The following OLFM2 variants were observed in gnomAD, a reference collection of about 807,000 sequenced individuals.
The protein encoded by OLFM2 is olfactomedin 2.
In OLFM2, 20 loss-of-function variants were observed where a neutral mutation model predicts 43.9. The observed-to-expected ratio is 0.46, with a 90% CI of 0.32 to 0.66. The LOEUF (loss-of-function observed/expected upper bound fraction) is 0.66, where lower values mean the gene tolerates loss of function less well. OLFM2 is among the 30% of genes least tolerant of loss of function. The pLI is 0.04. For synonymous variants in OLFM2, 268 were observed against 278.6 expected (o/e 0.96, Z 0.38); for missense variants, 416 against 643.6 (o/e 0.65, Z 3.83).
At position 9,854,325 on chromosome 19, in the gene OLFM2, G is replaced by A; in HGVS notation, c.1226C>T (p.Pro409Leu). The A allele has an allele frequency of 6.2e-7, 1 of 1,614,184 alleles. No homozygotes were observed. The highest frequency in any genetic ancestry group is 8.5e-7 in the Non-Finnish European group (1 of 1,180,038). The part of the protein sequence containing the change: ...NTSSYEYTDV[P>L]FHNQYSHISM... ...GATGTGGGAATACTGGTTGTGGAAGGGCACGTCCGTGTACTCGTAACTGGA... is the reference window on the plus strand; with the variant it reads ...GATGTGGGAATACTGGTTGTGGAAGAGCACGTCCGTGTACTCGTAACTGGA... The change falls in exon 6 of 6, where the codon CCC becomes CTC. Residue 409 changes from proline (P) to leucine (L), a missense_variant. Pro to Leu is a moderately conservative substitution (Grantham distance 98). Coordinates refer to ENST00000264833, the MANE Select transcript of OLFM2 (RefSeq NM_058164.4). This position sits in a 1 kb window ranked among gnomAD's most constrained non-coding sequence, Gnocchi z 9.5.
intron 1 of OLFM2, among the ~76,000 whole-genome samples, chr19:9,866,167 G>A (rs2046401328): frequency 6.6e-6 from 1 of 152,186 alleles, no homozygotes; most frequent in East Asian, 1.9e-4. Context: ...TAAATGCCTG[G>A]GTTTTGGCTG....
chr19:9,891,253 C>G (rs2336534), intron 1 of OLFM2, among the ~76,000 whole-genome samples: 29,516 of 145,582 alleles, frequency 0.2, 3,608 homozygotes, highest in Non-Finnish European at 0.26. Flanking sequence ...GCAGAGGTTG[C>G]AGTGAGCCGA....
intron 1 of OLFM2, among the ~76,000 whole-genome samples, chr19:9,887,023 C>T (rs2046593452): frequency 6.6e-6 from 1 of 152,106 alleles, no homozygotes; most frequent in South Asian, 2.1e-4. Context: ...GTACACTCCC[C>T]AAAGGGCAGG....
At chr19:9,862,057 G>A (rs1353223175) in intron 1 of OLFM2, among the ~76,000 whole-genome samples, 1 of 151,282 alleles carries the variant, frequency 6.6e-6, no homozygotes, top group African/African-American at 2.4e-5. Context: ...AGATATCCAT[G>A]AGAGTCTCTT....
intron 1 of OLFM2, among the ~76,000 whole-genome samples, chr19:9,906,731 G>A (rs766383994): frequency 5.3e-5 from 8 of 152,240 alleles, no homozygotes; most frequent in South Asian, 4.1e-4. Context: ...GTGCGGCTGG[G>A]CAGACAAACC....
In OLFM2 at chr19:9,857,039, C is replaced by T; in HGVS notation, c.581-126G>A. On this transcript the variant is annotated intron_variant, in intron 4 of 5. Coordinates refer to ENST00000264833, the MANE Select transcript of OLFM2 (RefSeq NM_058164.4). This position sits in a 1 kb window ranked among gnomAD's most constrained non-coding sequence, Gnocchi z 5.7. ...CAGGGATGAGGGAAGACTCAAAAAT[C>T]TGGTCCCAATATGTTGTTCAGTTGT... The T allele has an allele frequency of 1.1e-6, 1 of 906,406 alleles. No homozygotes were observed. Among genetic ancestry groups the T allele is most frequent in the Non-Finnish European group, 1.7e-6 (1 of 573,730 alleles). 56.1% of individuals were successfully genotyped at this position (906,406 alleles called of 1,614,324 possible).
intron 1 of OLFM2, among the ~76,000 whole-genome samples, chr19:9,914,751 G>A (rs979962988): frequency 3.9e-5 from 6 of 152,070 alleles, no homozygotes; most frequent in Admixed American, 2.6e-4. Context: ...AGCCGGCGGC[G>A]GCAGCCGCTG....
At chr19:9,880,510 T>A (rs2046530632) in intron 1 of OLFM2, among the ~76,000 whole-genome samples, 2 of 152,166 alleles carry the variant, frequency 1.3e-5, no homozygotes, top group Middle Eastern at 6.8e-3. Flanking sequence ...GGTGGGAGGA[T>A]CACTTGTGAC....
intron 1 of OLFM2, among the ~76,000 whole-genome samples, chr19:9,914,962 C>T (rs1233780057): frequency 6.6e-6 from 1 of 152,064 alleles, no homozygotes; most frequent in Non-Finnish European, 1.5e-5. Context: ...GGAGGAGCGC[C>T]AAGCATGAGC....
At chr19:9,860,501 C>T (rs1443172594) in intron 2 of OLFM2, 144 bp downstream of exon 2, 14 of 820,750 alleles carry the variant, frequency 1.7e-5, no homozygotes, top group Non-Finnish European at 2.4e-5. Flanking sequence ...AAGGACCTGC[C>T]TGGAGAGGAG....
intron 1 of OLFM2, among the ~76,000 whole-genome samples, chr19:9,894,581 T>C (rs902759604): frequency 2.0e-5 from 3 of 150,410 alleles, no homozygotes; most frequent in African/African-American, 7.4e-5. Flanking sequence ...TGGTGGTGCC[T>C]GCTTGTAATC....
At chr19:9,868,769 C>T (rs993059568) in intron 1 of OLFM2, among the ~76,000 whole-genome samples, 1 of 151,598 alleles carries the variant, frequency 6.6e-6, no homozygotes, top group African/African-American at 2.4e-5. Flanking sequence ...AGTAAAACCT[C>T]ATCTCTACAA....
rs139281596 is a variant in OLFM2, at chr19:9,854,249, G to A, written c.1302C>T (p.Asn434=). ...PRERALYTWN[N]GHQVLYNVTL... The stretch of plus-strand genomic sequence containing the variant: ...TGACATTGTAGAGCACCTGGTGGCC[G>A]TTGTTCCAGGTATAGAGGGCGCGCT... The change falls in exon 6 of 6, where the codon AAC becomes AAT. Residue 434 remains asparagine (N), a synonymous_variant. Coordinates refer to ENST00000264833, the MANE Select transcript of OLFM2 (RefSeq NM_058164.4). The surrounding 1 kb of genome is among the most constrained non-coding windows in gnomAD (Gnocchi z 9.5). 1,146 of 1,614,146 alleles carry A rather than the reference G, an allele frequency of 7.1e-4. 1 individual carries two copies. The highest frequency in any genetic ancestry group is 7.3e-4 in the Non-Finnish European group (859 of 1,180,032).
chr19:9,920,741 CA>C lies in OLFM2; in HGVS notation c.63+15562del, dbSNP rs557455889. Among the ~76,000 whole-genome samples the C allele has an allele frequency of 2.1e-3, 267 of 126,550 alleles. 2 individuals are homozygous for C. The highest frequency in any genetic ancestry group is 4.2e-3 in the Admixed American group (50 of 12,008). The allele number at this position is 126,550 out of a possible 152,430, so 83.0% of individuals were successfully genotyped here. On this transcript the variant is annotated intron_variant, in intron 1 of 5. Transcript: ENST00000264833. ...CAAAACTCTGTGTCTACTAAACATA[CA>C]AAAAAAAAAAAAAAAGTAGCCAGGT...
At chr19:9,880,583 C>T (rs908478815) in intron 1 of OLFM2, among the ~76,000 whole-genome samples, 10 of 151,806 alleles carry the variant, frequency 6.6e-5, no homozygotes, top group African/African-American at 1.9e-4. Context: ...AGCAAGAGAG[C>T]GAGACCCCAT....
intron 1 of OLFM2, among the ~76,000 whole-genome samples, chr19:9,884,470 G>A (rs1330801934): frequency 6.6e-6 from 1 of 151,984 alleles, no homozygotes; most frequent in Non-Finnish European, 1.5e-5. Flanking sequence ...CCAGCTACTC[G>A]GGAGGCTGAT....
intron 1 of OLFM2, among the ~76,000 whole-genome samples, chr19:9,864,172 G>A (rs1037941650): frequency 6.6e-5 from 10 of 152,188 alleles, no homozygotes; most frequent in African/African-American, 2.2e-4. Flanking sequence ...CACCCCTCTT[G>A]CCTCTCCAGT....
At chr19:9,888,597 C>T (rs1029879146) in intron 1 of OLFM2, among the ~76,000 whole-genome samples, 1 of 151,894 alleles carries the variant, frequency 6.6e-6, no homozygotes, top group African/African-American at 2.4e-5. Context: ...ACCCCCCATC[C>T]ACTTCCCTAC....
At chr19:9,934,557 T>G (rs1222489320) in intron 1 of OLFM2, among the ~76,000 whole-genome samples, 4 of 151,176 alleles carry the variant, frequency 2.6e-5, no homozygotes, top group African/African-American at 9.8e-5. Flanking sequence ...CTGTCTCCTC[T>G]GCTAGGTCAA....
Sources: allele counts gnomAD v4.1 joint callset (sites outside exome capture counted in the v4.1 genomes callset), GRCh38; gene constraint gnomAD v4.1.1; non-coding constraint Gnocchi (gnomAD v3.1); transcripts MANE v1.5; gene names NCBI Gene and HGNC (gene_info 2026-07-23, HGNC 2026-07-21).